The following PHACTR1 variants were observed in gnomAD, a reference collection of about 807,000 sequenced individuals.
The protein encoded by PHACTR1 is RPEL repeat containing 1.
A neutral mutation model predicts 69.2 loss-of-function variants in PHACTR1; 16 were observed. The ratio of observed to expected loss-of-function variants is 0.23; its 90% CI spans 0.16 to 0.35. The LOEUF is 0.35. Among genes scored for constraint, PHACTR1 ranks in the 10% least tolerant of loss-of-function variants. PHACTR1 has a pLI of 1.00. For synonymous variants in PHACTR1, 312 were observed against 284.5 expected (o/e 1.10, Z -0.97); for missense variants, 510 against 734.7 (o/e 0.69, Z 3.54).
intron 4 of PHACTR1, among the ~76,000 whole-genome samples, chr6:12,968,202 G>A (rs778991810): frequency 2.0e-5 from 3 of 152,096 alleles, no homozygotes; most frequent in Non-Finnish European, 2.9e-5. Context: ...CATTCCATTT[G>A]CTAAATGATG....
At chr6:13,276,795 T>A (rs1052163770) in intron 11 of PHACTR1, among the ~76,000 whole-genome samples, 1 of 151,746 alleles carries the variant, frequency 6.6e-6, no homozygotes, top group African/African-American at 2.4e-5. Context: ...ATTAAAAAAA[T>A]TTAAAAAATA....
intron 4 of PHACTR1, among the ~76,000 whole-genome samples, chr6:13,002,808 T>A (rs1462955741): frequency 2.0e-5 from 3 of 152,218 alleles, no homozygotes; most frequent in Non-Finnish European, 2.9e-5. Context: ...GGCTCATGAA[T>A]GTATTAACAG....
intron 10 of PHACTR1, among the ~76,000 whole-genome samples, chr6:13,230,687 G>A (rs1770743662): frequency 6.6e-6 from 1 of 152,094 alleles, no homozygotes; most frequent in Admixed American, 6.6e-5. Context: ...AAATTGAGAG[G>A]CAGGTTTCCA....
intron 8 of PHACTR1, among the ~76,000 whole-genome samples, chr6:13,223,738 G>T (rs564214513): frequency 6.6e-6 from 1 of 152,194 alleles, no homozygotes; most frequent in South Asian, 2.1e-4. Flanking sequence ...TCAATTTCCT[G>T]CTTCATAAAA....
At chr6:12,803,598 C>G (rs1373431050) in intron 4 of PHACTR1, among the ~76,000 whole-genome samples, 1 of 152,224 alleles carries the variant, frequency 6.6e-6, no homozygotes, top group Non-Finnish European at 1.5e-5. Context: ...CCTGTTTATT[C>G]TTACCAAACA....
At position 13,283,641 on chromosome 6, in the gene PHACTR1, T is replaced by G. The variant is rs757542174; in HGVS notation, c.1650+79T>G. 1.2e-6 allele frequency: 2 copies of G among 1,602,782 alleles called. No homozygotes were observed. On this transcript the variant is annotated intron_variant, in intron 13 of 14. Transcript: ENST00000332995. The surrounding 1 kb of genome is among the most constrained non-coding windows in gnomAD (Gnocchi z 4.7). ...GCTGGGCTCACCGCTGGGGAGCGTGTAGGGAGACCTGCAGCCAGGCCTCAG... is the reference window on the plus strand; with the variant it reads ...GCTGGGCTCACCGCTGGGGAGCGTGGAGGGAGACCTGCAGCCAGGCCTCAG...
intron 5 of PHACTR1, among the ~76,000 whole-genome samples, chr6:13,131,226 C>T (rs12206868): frequency 2.3e-4 from 8 of 34,524 alleles, no homozygotes; most frequent in African/African-American, 4.9e-4. Context: ...CACACACACA[C>T]ACACACACAC....
At chr6:13,034,311 C>T (rs1468768959) in intron 4 of PHACTR1, among the ~76,000 whole-genome samples, 1 of 152,204 alleles carries the variant, frequency 6.6e-6, no homozygotes, top group Non-Finnish European at 1.5e-5. Flanking sequence ...GCCACCACGC[C>T]CGGCCAGGAC....
At chr6:13,263,592 A>C (rs530098970) in intron 10 of PHACTR1, among the ~76,000 whole-genome samples, 1 of 152,350 alleles carries the variant, frequency 6.6e-6, no homozygotes, top group South Asian at 2.1e-4. Context: ...CCTTGAAAGT[A>C]CATTAAACAT....
chr6:12,933,426 A>G (rs1004531527), intron 4 of PHACTR1, among the ~76,000 whole-genome samples: 1 of 152,252 alleles, frequency 6.6e-6, no homozygotes, highest in Non-Finnish European at 1.5e-5. Flanking sequence ...AATTTTAAAA[A>G]CAATCTCCAT....
intron 4 of PHACTR1, among the ~76,000 whole-genome samples, chr6:13,031,567 T>A (rs1167299967): frequency 6.6e-6 from 1 of 152,206 alleles, no homozygotes; most frequent in African/African-American, 2.4e-5. Context: ...CATTGATTGT[T>A]TTTAGTAATA....
At chr6:13,171,027 T>C (rs1279144893) in intron 6 of PHACTR1, among the ~76,000 whole-genome samples, 1 of 152,192 alleles carries the variant, frequency 6.6e-6, no homozygotes, top group Non-Finnish European at 1.5e-5. Flanking sequence ...TTAAAGGACG[T>C]AATCCAATGT....
rs147529180 is a variant in PHACTR1, at chr6:12,785,604, G to A, written c.250+35814G>A. Among the ~76,000 whole-genome samples the A allele has an allele frequency of 4.0e-3, 613 of 152,234 alleles. 5 individuals are homozygous for A. Among genetic ancestry groups the A allele is most frequent in the African/African-American group, 0.014 (592 of 41,534 alleles). ...AGCAAAAGTAGTTTTGCAATGTGTT[G>A]GGTCAAGGCTGTCTGGCATTCCAAA... On this transcript the variant is annotated intron_variant, in intron 4 of 14. Transcript: ENST00000332995.
chr6:12,839,663 G>A (rs1478917729), intron 4 of PHACTR1, among the ~76,000 whole-genome samples: 1 of 152,150 alleles, frequency 6.6e-6, no homozygotes, highest in Admixed American at 6.6e-5. Flanking sequence ...AACAGAAACA[G>A]GATACTGGTC....
intron 5 of PHACTR1, among the ~76,000 whole-genome samples, chr6:13,120,449 AG>A (rs1818534765): frequency 6.6e-6 from 1 of 152,250 alleles, no homozygotes; most frequent in African/African-American, 2.4e-5. Flanking sequence ...TTAAGGACAG[AG>A]TCCAGGAAGG....
intron 3 of PHACTR1, among the ~76,000 whole-genome samples, chr6:12,730,494 T>G (rs963989119): frequency 6.8e-5 from 10 of 147,984 alleles, no homozygotes; most frequent in Admixed American, 2.0e-4. Context: ...AAAAAAAACC[T>G]CAATGCAGCT....
At chr6:13,144,772 G>GA (rs11326657) in intron 5 of PHACTR1, among the ~76,000 whole-genome samples, 452 of 18,630 alleles carry the variant, frequency 0.024, 3 homozygotes, top group African/African-American at 0.04. Flanking sequence ...CCCTGTCTCA[G>GA]AAAAAAAAAA....
intron 4 of PHACTR1, among the ~76,000 whole-genome samples, chr6:12,834,692 G>A (rs1777960426): frequency 6.6e-6 from 1 of 152,196 alleles, no homozygotes; most frequent in Non-Finnish European, 1.5e-5. Flanking sequence ...TTTTAGAGAT[G>A]TAGTAGTCAG....
chr6:13,120,338 T>C (rs888725543), intron 5 of PHACTR1, among the ~76,000 whole-genome samples: 1 of 152,010 alleles, frequency 6.6e-6, no homozygotes, highest in Non-Finnish European at 1.5e-5. Flanking sequence ...CCCAGTGAAA[T>C]TGAATAACAA....
Sources: allele counts gnomAD v4.1 joint callset (sites outside exome capture counted in the v4.1 genomes callset), GRCh38; gene constraint gnomAD v4.1.1; non-coding constraint Gnocchi (gnomAD v3.1); transcripts MANE v1.5; gene names NCBI Gene and HGNC (gene_info 2026-07-23, HGNC 2026-07-21).